The following NTM variants were observed in gnomAD, a reference collection of about 807,000 sequenced individuals.
The protein encoded by NTM is neurotrimin, also known as IgLON family member 2.
Under a neutral mutation model 42.1 loss-of-function variants are expected in NTM, and 13 were observed. The ratio of observed to expected loss-of-function variants is 0.31; its 90% CI spans 0.20 to 0.49. The LOEUF (loss-of-function observed/expected upper bound fraction) is 0.49. NTM is among the 20% of genes least tolerant of loss of function. NTM has a pLI of 0.99. For synonymous variants in NTM, 187 were observed against 179.2 expected, an observed-to-expected ratio of 1.04 and a Z score of -0.35; for missense variants, 373 against 452.8, an observed-to-expected ratio of 0.82 and a Z score of 1.60.
At chr11:132,130,200 C>A (rs985369011) in intron 2 of NTM, among the ~76,000 whole-genome samples, 3 of 152,098 alleles carry the variant, frequency 2.0e-5, no homozygotes, top group Non-Finnish European at 4.4e-5. Context: ...TGAAACCACT[C>A]GTATCTAGAA....
chr11:131,625,167 T>G (rs530722156), intron 1 of NTM, among the ~76,000 whole-genome samples: 51 of 152,274 alleles, frequency 3.3e-4, no homozygotes, highest in Middle Eastern at 6.8e-3. Context: ...AAAAAAATAC[T>G]CAAGCTCTAT....
chr11:131,449,428 G>A (rs2136032754), intron 1 of NTM, among the ~76,000 whole-genome samples: 1 of 152,352 alleles, frequency 6.6e-6, no homozygotes, highest in African/African-American at 2.4e-5. Flanking sequence ...ATAAGGAGCA[G>A]AGGTCCAGTT....
At chr11:131,753,936 G>A (rs1306545104) in intron 1 of NTM, among the ~76,000 whole-genome samples, 1 of 151,020 alleles carries the variant, frequency 6.6e-6, no homozygotes, top group African/African-American at 2.4e-5. Flanking sequence ...TATACACCAT[G>A]GAATACTATG....
chr11:131,758,107 GC>G, intron 1 of NTM, among the ~76,000 whole-genome samples: 1 of 152,284 alleles, frequency 6.6e-6, no homozygotes, highest in South Asian at 2.1e-4. Flanking sequence ...AACTAGGGAA[GC>G]CCAAGATTTA....
At chr11:131,712,019 T>C (rs2077203475) in intron 1 of NTM, among the ~76,000 whole-genome samples, 2 of 143,780 alleles carry the variant, frequency 1.4e-5, no homozygotes, top group South Asian at 4.7e-4. Flanking sequence ...CATTAGGAGG[T>C]ATACCTAATG....
intron 1 of NTM, among the ~76,000 whole-genome samples, chr11:131,613,388 C>A (rs1015784498): frequency 6.6e-6 from 1 of 152,074 alleles, no homozygotes; most frequent in Non-Finnish European, 1.5e-5. Flanking sequence ...CCATGGTCCT[C>A]GGTGAGGAGC....
intron 1 of NTM, among the ~76,000 whole-genome samples, chr11:131,472,031 G>A (rs1952487082): frequency 6.6e-6 from 1 of 152,216 alleles, no homozygotes; most frequent in Non-Finnish European, 1.5e-5. Flanking sequence ...ATTAACAGGA[G>A]GCACTTCAAA....
rs146584235 is a variant in NTM at position 131,462,772 on chromosome 11, C to T, written c.82+91884C>T. ...CAGCAAAACTGCCTTCTCCCTAGAGCGGGCCCACCTAGGGTGGTCCACCAC... is the reference window on the plus strand; with the variant it reads ...CAGCAAAACTGCCTTCTCCCTAGAGTGGGCCCACCTAGGGTGGTCCACCAC... On this transcript the variant is annotated intron_variant, in intron 1 of 8. Coordinates refer to ENST00000683400, the MANE Select transcript of NTM (RefSeq NM_001352005.2). 5.2e-3 allele frequency among the ~76,000 whole-genome samples: 787 copies of T among 152,212 alleles called. 5 individuals carry two copies. The highest frequency in any genetic ancestry group is 8.7e-3 in the Non-Finnish European group (590 of 67,966).
chr11:131,770,262 G>A lies in NTM; in HGVS notation c.83-141302G>A, dbSNP rs115294248. On this transcript the variant is annotated intron_variant, in intron 1 of 8. Coordinates refer to ENST00000683400, the MANE Select transcript of NTM (RefSeq NM_001352005.2). ...TCCCCGCTGAGCAGCCCAGACCTTTGCTTTCTTCTCCTTTTACAAAAAAGG... is the reference window on the plus strand; with the variant it reads ...TCCCCGCTGAGCAGCCCAGACCTTTACTTTCTTCTCCTTTTACAAAAAAGG... Among the ~76,000 whole-genome samples the A allele has an allele frequency of 5.6e-3, 851 of 152,298 alleles. 3 individuals carry two copies. The highest frequency in any genetic ancestry group is 0.018 in the African/African-American group (728 of 41,570).
At chr11:131,741,948 A>G (rs999450264) in intron 1 of NTM, among the ~76,000 whole-genome samples, 2 of 152,208 alleles carry the variant, frequency 1.3e-5, no homozygotes, top group African/African-American at 4.8e-5. Context: ...GCTGGAGGCC[A>G]TTATCCTTAG....
intron 2 of NTM, among the ~76,000 whole-genome samples, chr11:131,941,120 T>C (rs1260531888): frequency 2.0e-5 from 3 of 152,224 alleles, no homozygotes; most frequent in Non-Finnish European, 2.9e-5. Context: ...CTCACACATC[T>C]AATTTATATC....
At chr11:131,633,584 T>TCTCCCTCTCTCACTCC (rs1485230191) in intron 1 of NTM, among the ~76,000 whole-genome samples, 4 of 144,760 alleles carry the variant, frequency 2.8e-5, no homozygotes, top group African/African-American at 7.7e-5. Context: ...TCTCCATCTC[T>TCTCCCTCTCTCACTCC]CTCCCTCTCT....
intron 2 of NTM, among the ~76,000 whole-genome samples, chr11:131,975,002 A>G (rs1430057285): frequency 6.6e-6 from 1 of 152,124 alleles, no homozygotes; most frequent in Non-Finnish European, 1.5e-5. Context: ...CCTTCAGTAG[A>G]TCTCCCTGCA....
At chr11:132,139,162 A>T (rs190143128) in intron 2 of NTM, among the ~76,000 whole-genome samples, 27 of 152,240 alleles carry the variant, frequency 1.8e-4, no homozygotes, top group Admixed American at 7.8e-4. Flanking sequence ...AAAGAAAAGG[A>T]AAGAAAAACA....
chr11:131,506,880 C>T (rs58364412), intron 1 of NTM, among the ~76,000 whole-genome samples: 19,732 of 152,126 alleles, frequency 0.13, 2,046 homozygotes, highest in African/African-American at 0.29. Flanking sequence ...GAAAAACTCA[C>T]GGTAGATATT....
At chr11:132,130,957 G>C (rs904090034) in intron 2 of NTM, among the ~76,000 whole-genome samples, 2 of 152,202 alleles carry the variant, frequency 1.3e-5, no homozygotes, top group Non-Finnish European at 2.9e-5. Flanking sequence ...TTTGAGATGT[G>C]TCTCTGCCTC....
intron 2 of NTM, among the ~76,000 whole-genome samples, chr11:132,004,878 G>C (rs1385136651): frequency 6.6e-6 from 1 of 152,158 alleles, no homozygotes; most frequent in Non-Finnish European, 1.5e-5. Flanking sequence ...AGCATGGAGA[G>C]ATGTTTGAAA....
intron 1 of NTM, among the ~76,000 whole-genome samples, chr11:131,849,659 T>C (rs2045296119): frequency 6.6e-6 from 1 of 151,848 alleles, no homozygotes; most frequent in South Asian, 2.1e-4. Context: ...CTGGAATCTT[T>C]TGAGGACATT....
At chr11:132,202,441 C>T (rs1483109589) in intron 3 of NTM, among the ~76,000 whole-genome samples, 1 of 152,142 alleles carries the variant, frequency 6.6e-6, no homozygotes, top group Admixed American at 6.5e-5. Context: ...TAGCCCCAAC[C>T]CAAAGCATGC....
Sources: allele counts gnomAD v4.1 joint callset (sites outside exome capture counted in the v4.1 genomes callset), GRCh38; gene constraint gnomAD v4.1.1; transcripts MANE v1.5; gene names NCBI Gene and HGNC (gene_info 2026-07-23, HGNC 2026-07-21).